The following SRBD1 variants were observed in gnomAD, a reference collection of about 807,000 sequenced individuals.
The protein encoded by SRBD1 is S1 RNA-binding domain-containing protein 1.
SRBD1 carries 88 observed loss-of-function variants against 115.3 expected under a neutral mutation model. That is an observed-to-expected ratio of 0.76 (90% CI 0.64 to 0.91). The LOEUF (loss-of-function observed/expected upper bound fraction) is 0.91, where lower values mean the gene tolerates loss of function less well. SRBD1 is among the 40% of genes least tolerant of loss of function. The pLI, the probability that SRBD1 is intolerant of heterozygous loss-of-function variation, is 0.00. For synonymous variants in SRBD1, 509 were observed against 407.7 expected, an observed-to-expected ratio of 1.25 and a Z score of -2.99; for missense variants, 1,385 against 1,177.4, an observed-to-expected ratio of 1.18 and a Z score of -2.58.
chr2:45,494,041 A>AT (rs1485437774), intron 14 of SRBD1, among the ~76,000 whole-genome samples: 4 of 152,162 alleles, frequency 2.6e-5, no homozygotes, highest in Admixed American at 1.3e-4. Flanking sequence ...AAACTGCACT[A>AT]TTTATGATAG....
At chr2:45,532,780 C>G (rs1272636587) in intron 14 of SRBD1, among the ~76,000 whole-genome samples, 1 of 148,126 alleles carries the variant, frequency 6.8e-6, no homozygotes, top group Non-Finnish European at 1.5e-5. Context: ...ATAAAATACA[C>G]AGAATCAAAA....
chr2:45,524,127 C>A (rs979793244), intron 14 of SRBD1, among the ~76,000 whole-genome samples: 1 of 151,844 alleles, frequency 6.6e-6, no homozygotes, highest in African/African-American at 2.4e-5. Flanking sequence ...AAATACTCAA[C>A]AAACTAGAAT....
At chr2:45,479,706 G>C (rs951810806) in intron 15 of SRBD1, among the ~76,000 whole-genome samples, 1 of 152,228 alleles carries the variant, frequency 6.6e-6, no homozygotes, top group African/African-American at 2.4e-5. Context: ...GCTGTAGCAA[G>C]TTGTCCAGAA....
At chr2:45,406,319 T>C (rs1340015554) in intron 19 of SRBD1, among the ~76,000 whole-genome samples, 1 of 152,140 alleles carries the variant, frequency 6.6e-6, no homozygotes, top group Non-Finnish European at 1.5e-5. Flanking sequence ...TTTGAGTTTT[T>C]TCAGTGAGGT....
At chr2:45,546,457 C>T (rs1488957354) in intron 14 of SRBD1, 1 of 627,380 alleles carries the variant, frequency 1.6e-6, no homozygotes, top group African/African-American at 2.0e-5. Context: ...AACCCTCACA[C>T]AATGTATAGC....
At chr2:45,480,136 C>T (rs1669916355) in intron 15 of SRBD1, among the ~76,000 whole-genome samples, 1 of 152,156 alleles carries the variant, frequency 6.6e-6, no homozygotes, top group Admixed American at 6.5e-5. Flanking sequence ...CACCTGTCAT[C>T]CAAGAGCTCT....
chr2:45,533,770 T>C (rs946498211), intron 14 of SRBD1, among the ~76,000 whole-genome samples: 2 of 152,086 alleles, frequency 1.3e-5, no homozygotes, highest in Non-Finnish European at 2.9e-5. Context: ...GCTGAACATG[T>C]TTAATTTACA....
intron 14 of SRBD1, among the ~76,000 whole-genome samples, chr2:45,527,183 G>T (rs1468709408): frequency 6.6e-6 from 1 of 151,794 alleles, no homozygotes; most frequent in East Asian, 1.9e-4. Flanking sequence ...TACATTATGT[G>T]TGGGGGAGGG....
At chr2:45,502,652 A>C (rs1470478550) in intron 14 of SRBD1, among the ~76,000 whole-genome samples, 1 of 149,236 alleles carries the variant, frequency 6.7e-6, no homozygotes, top group Non-Finnish European at 1.5e-5. Flanking sequence ...GGACACGGGA[A>C]GGAGAACATC....
In SRBD1 at chr2:45,488,273, T is replaced by A. The variant is rs757444637; in HGVS notation, c.1933A>T (p.Met645Leu). ...YSVSPEANKE[M>L]PGLDPNLRSA... is the part of the protein sequence containing the mutation. ...CTCAAATTAGGGTCCAGCCCTGGCA[T>A]CTCTTTGTTAGCTTCAGGGCTGACA... The change falls in exon 15 of 21, where the codon ATG becomes TTG. Residue 645 changes from methionine (M) to leucine (L), a missense_variant. Coordinates refer to ENST00000263736, the MANE Select transcript of SRBD1 (RefSeq NM_018079.5). 35 of 1,613,962 alleles carry A rather than the reference T, an allele frequency of 2.2e-5. No individual in the cohort carries two copies. Among genetic ancestry groups the A allele is most frequent in the Non-Finnish European group, 2.8e-5 (33 of 1,179,990 alleles).
intron 14 of SRBD1, among the ~76,000 whole-genome samples, chr2:45,538,669 TAAAG>T (rs1192967235): frequency 6.6e-6 from 1 of 152,216 alleles, no homozygotes; most frequent in African/African-American, 2.4e-5. Flanking sequence ...ATGAGTTGAA[TAAAG>T]AGAGGAGGTA....
chr2:45,605,631 C>G (rs759674445), intron 1 of SRBD1, among the ~76,000 whole-genome samples, 190 bp from the exon 2 acceptor site: 9 of 152,198 alleles, frequency 5.9e-5, no homozygotes, highest in Non-Finnish European at 1.0e-4. Flanking sequence ...TGGCTGGGCA[C>G]CATGGCTCAT....
At chr2:45,487,920 G>T (rs929816656) in intron 15 of SRBD1, among the ~76,000 whole-genome samples, 19 of 152,086 alleles carry the variant, frequency 1.2e-4, no homozygotes, top group African/African-American at 4.3e-4. Flanking sequence ...CCAAAGTGCT[G>T]GGATTACAGG....
intron 14 of SRBD1, among the ~76,000 whole-genome samples, chr2:45,514,962 A>T (rs1392565098): frequency 6.6e-6 from 1 of 152,204 alleles, no homozygotes; most frequent in Non-Finnish European, 1.5e-5. Flanking sequence ...AAATATTCTT[A>T]TTCAGTCTTT....
rs186567337 is a variant in SRBD1, at chr2:45,430,258, C to A, written c.2050-10364G>T. 5.1e-4 allele frequency among the ~76,000 whole-genome samples: 77 copies of A among 152,256 alleles called. 1 individual carries two copies. The East Asian group carries it at 0.014, about 27-fold the overall frequency. The stretch of plus-strand genomic sequence containing the variant: ...CAATGCTATCCCCCCCATCAAGCTA[C>A]CACTGACTTTCTTCACAAAATTAGA... On this transcript the variant is annotated intron_variant, in intron 16 of 20. Coordinates refer to ENST00000263736, the MANE Select transcript of SRBD1 (RefSeq NM_018079.5).
At chr2:45,585,270 A>G (rs1673483145) in intron 5 of SRBD1, among the ~76,000 whole-genome samples, 1 of 152,218 alleles carries the variant, frequency 6.6e-6, no homozygotes, top group South Asian at 2.1e-4. Flanking sequence ...GTGAGTGGTT[A>G]AAAGAGTTAG....
intron 16 of SRBD1, among the ~76,000 whole-genome samples, chr2:45,460,585 T>A (rs1479047007): frequency 6.6e-6 from 1 of 152,210 alleles, no homozygotes; most frequent in Non-Finnish European, 1.5e-5. Context: ...TGTTCTGCAT[T>A]GGTTTGTGGT....
At chr2:45,560,745 C>T (rs980281260) in intron 10 of SRBD1, among the ~76,000 whole-genome samples, 5 of 152,054 alleles carry the variant, frequency 3.3e-5, no homozygotes, top group African/African-American at 7.3e-5. Context: ...TTCTTTTAGG[C>T]ATACATTTCC....
intron 16 of SRBD1, among the ~76,000 whole-genome samples, chr2:45,453,008 T>C (rs1342022509): frequency 6.6e-6 from 1 of 151,932 alleles, no homozygotes; most frequent in Non-Finnish European, 1.5e-5. Context: ...GTGTTTGTAA[T>C]AACTGCAGAT....
Sources: gnomAD v4.1 joint callset for allele counts (sites outside exome capture counted in the v4.1 genomes callset) on GRCh38, gnomAD v4.1.1 for gene constraint, MANE v1.5 for transcripts, NCBI Gene and HGNC (gene_info 2026-07-23, HGNC 2026-07-21) for gene names.